The following PRDM1 variants were observed in gnomAD, a reference collection of about 807,000 sequenced individuals.
PRDM1 encodes PR domain zinc finger protein 1.
PRDM1 carries 13 observed loss-of-function variants against 62.8 expected under a neutral mutation model. The ratio of observed to expected loss-of-function variants is 0.21; its 90% CI spans 0.13 to 0.33. The LOEUF (loss-of-function observed/expected upper bound fraction) is 0.33, where lower values mean the gene tolerates loss of function less well. Among genes scored for constraint, PRDM1 ranks in the 10% least tolerant of loss-of-function variants. The probability of loss-of-function intolerance (pLI) is 1.00; values close to 1 mark genes in which losing one functional copy is unlikely to be tolerated. For synonymous variants in PRDM1, 396 were observed against 417.6 expected (o/e 0.95, Z 0.63); for missense variants, 895 against 1,058.8 (o/e 0.85, Z 2.15).
intron 4 of PRDM1, 105 bp from the exon 5 acceptor site, chr6:106,104,720 C>T (rs531677008): frequency 5.1e-6 from 7 of 1,369,456 alleles, no homozygotes; most frequent in African/African-American, 4.4e-5. Context: ...GCGATTGTGT[C>T]GCCAGCTGTT....
At chr6:106,024,050 G>A (rs560205518) in intron 1 of PRDM1, among the ~76,000 whole-genome samples, 2 of 152,174 alleles carry the variant, frequency 1.3e-5, no homozygotes, top group Non-Finnish European at 2.9e-5. Context: ...GCTGAGGTAG[G>A]AGGATTGCTT....
intron 1 of PRDM1, among the ~76,000 whole-genome samples, chr6:106,014,436 A>G (rs1032408265): frequency 1.2e-4 from 5 of 43,344 alleles, no homozygotes; most frequent in Non-Finnish European, 2.6e-4. Context: ...CACATAAGAA[A>G]TGTTCAAAAA....
chr6:106,066,116 A>G (rs1252939828), intron 1 of PRDM1, among the ~76,000 whole-genome samples: 1 of 152,120 alleles, frequency 6.6e-6, no homozygotes, highest in Non-Finnish European at 1.5e-5. Flanking sequence ...CCCATTGTCT[A>G]TGGTTTCCGC....
At chr6:105,995,496 T>C (rs1458548034) in intron 1 of PRDM1, among the ~76,000 whole-genome samples, 1 of 152,144 alleles carries the variant, frequency 6.6e-6, no homozygotes, top group African/African-American at 2.4e-5. Flanking sequence ...TAGTGTAGGA[T>C]AGAGGAAGAG....
rs567214154 is a variant in PRDM1 at position 106,007,837 on chromosome 6, T to C, written c.-67+14198T>C. Among the ~76,000 whole-genome samples the C allele has an allele frequency of 5.3e-5, 8 of 152,322 alleles. No homozygotes were observed. The South Asian group carries it at 1.7e-3, about 32-fold the overall frequency. ...ACGACTTTCTCCAGCTCCAAGCTCT[T>C]CCATCTCCAGTCTTTCCTCCTAAAC... On this transcript the variant is annotated intron_variant, in intron 1 of 6. Coordinates refer to the PRDM1 transcript ENST00000652320.
intron 2 of PRDM1, among the ~76,000 whole-genome samples, chr6:106,090,405 G>T (rs6924535): frequency 0.69 from 105,448 of 152,102 alleles, 37,124 homozygotes; most frequent in African/African-American, 0.81. Context: ...TAACTGAAGC[G>T]CTTGAATAGA....
chr6:106,075,104 AT>A (rs11285604), intron 1 of PRDM1, among the ~76,000 whole-genome samples: 6,133 of 152,272 alleles, frequency 0.04, 400 homozygotes, highest in African/African-American at 0.14. Context: ...TATTGACCAA[AT>A]TAGGGGGGAA....
At chr6:106,018,782 T>G (rs755579675) in intron 1 of PRDM1, among the ~76,000 whole-genome samples, 15 of 152,264 alleles carry the variant, frequency 9.9e-5, no homozygotes, top group Middle Eastern at 3.4e-3. Flanking sequence ...GACGTTAACC[T>G]GGATCACCTA....
In PRDM1 at chr6:106,022,132, T is replaced by C. The variant is rs114624045; in HGVS notation, c.-67+28493T>C. Among the ~76,000 whole-genome samples, 1,129 of 152,300 alleles carry C rather than the reference T, an allele frequency of 7.4e-3. 10 individuals carry two copies. The highest frequency in any genetic ancestry group is 0.026 in the African/African-American group (1,073 of 41,558). Reference sequence around the variant, plus strand: ...GGTGTTACACCAACATAATGGTACTTCCATTGAAAGAGCAAGCTGTTCTAG... The same window carrying C: ...GGTGTTACACCAACATAATGGTACTCCCATTGAAAGAGCAAGCTGTTCTAG... On this transcript the variant is annotated intron_variant, in intron 1 of 6. Transcript: ENST00000652320.
chr6:105,994,891 G>C lies in PRDM1; in HGVS notation c.-67+1252G>C, dbSNP rs527703972. 6.6e-5 allele frequency among the ~76,000 whole-genome samples: 10 copies of C among 152,384 alleles called. No homozygotes were observed. The South Asian group carries it at 1.4e-3, about 22-fold the overall frequency. ...ACGCGGTCCGACCGGGTCCGGGGAC[G>C]GCGCGCTTGTCGCGGGAGCCTCCCG... On this transcript the variant is annotated intron_variant, in intron 1 of 6. Coordinates refer to the PRDM1 transcript ENST00000652320. The surrounding 1 kb of genome is among the most constrained non-coding windows in gnomAD (Gnocchi z 4.1).
chr6:106,019,253 C>CAA lies in PRDM1; in HGVS notation c.-67+25643_-67+25644dup, dbSNP rs55704256. ...TGCTGGACAGAGTGAGACTCCATCT[C>CAA]AAAAAAAAAAAAAAAAAAAAAAAAA... On this transcript the variant is annotated intron_variant, in intron 1 of 6. Transcript: ENST00000652320. 3.7e-4 allele frequency among the ~76,000 whole-genome samples: 26 copies of CAA among 69,630 alleles called. 1 individual carries two copies. The highest frequency in any genetic ancestry group is 5.5e-4 in the Non-Finnish European group (22 of 39,908). 45.7% of individuals were successfully genotyped at this position (69,630 alleles called of 152,430 possible).
intron 1 of PRDM1, among the ~76,000 whole-genome samples, chr6:106,053,846 A>C (rs1773220643): frequency 7.1e-6 from 1 of 139,882 alleles, no homozygotes. Flanking sequence ...ACCCCCCACA[A>C]TGTATACAAT....
intron 1 of PRDM1, among the ~76,000 whole-genome samples, chr6:106,028,752 C>T (rs547231213): frequency 3.5e-4 from 53 of 151,998 alleles, no homozygotes; most frequent in Non-Finnish European, 7.4e-4. Flanking sequence ...GCAACCCCCA[C>T]CCCCGAAGTT....
At chr6:106,034,725 G>A (rs764210973) in intron 1 of PRDM1, among the ~76,000 whole-genome samples, 5 of 137,116 alleles carry the variant, frequency 3.6e-5, no homozygotes, top group South Asian at 2.4e-4. Context: ...TCCACCTCCC[G>A]GGTTCAAGTG....
intron 1 of PRDM1, among the ~76,000 whole-genome samples, chr6:106,010,702 C>T (rs1307923792): frequency 6.6e-6 from 1 of 152,172 alleles, no homozygotes; most frequent in African/African-American, 2.4e-5. Context: ...AGTACTAAAA[C>T]TAGAATTCTC....
At position 106,108,192 on chromosome 6, in the gene PRDM1, G is replaced by GA. The variant is rs1292763363; in HGVS notation, c.*709dup. On this transcript the variant is annotated 3_prime_UTR_variant, in exon 7 of 7. Transcript: ENST00000369096. Reference sequence around the variant, plus strand: ...AGAATAACTTAAGTAGAAGAAACAAGAAAGGGAATCTTGTATATTTTTGTT... The same window carrying GA: ...AGAATAACTTAAGTAGAAGAAACAAGAAAAGGGAATCTTGTATATTTTTGTT... 1 of 233,446 alleles carries GA rather than the reference G, an allele frequency of 4.3e-6. No individual in the cohort carries two copies. The highest frequency in any genetic ancestry group is 2.2e-5 in the African/African-American group (1 of 45,296). The allele number at this position is 233,446 out of a possible 1,614,324, so 14.5% of individuals were successfully genotyped here.
chr6:106,003,411 A>C (rs1225389677), intron 1 of PRDM1, among the ~76,000 whole-genome samples: 1 of 152,140 alleles, frequency 6.6e-6, no homozygotes, highest in African/African-American at 2.4e-5. Flanking sequence ...TCACTCACAG[A>C]CTGCAGGTTT....
upstream of PRDM1, among the ~76,000 whole-genome samples, chr6:106,084,381 G>A (rs760413782): frequency 6.6e-6 from 1 of 152,186 alleles, no homozygotes. Flanking sequence ...CTGAAGGTGA[G>A]TGCAGGCTGA....
At chr6:106,098,885 G>T in intron 3 of PRDM1, 1 of 1,511,252 alleles carries the variant, frequency 6.6e-7, no homozygotes, top group Non-Finnish European at 8.9e-7. Flanking sequence ...CAGCCGGCTT[G>T]GTCTTCTACC....
Sources: gnomAD v4.1 joint callset for allele counts (sites outside exome capture counted in the v4.1 genomes callset) on GRCh38, gnomAD v4.1.1 for gene constraint, Gnocchi (gnomAD v3.1) non-coding constraint, MANE v1.5 for transcripts, NCBI Gene and HGNC (gene_info 2026-07-23, HGNC 2026-07-21) for gene names.